The following PDE8A variants were observed in gnomAD, a reference collection of about 807,000 sequenced individuals.
The protein encoded by PDE8A is phosphodiesterase 8A.
PDE8A carries 59 observed loss-of-function variants against 105.0 expected under a neutral mutation model. That is an observed-to-expected ratio of 0.56 (90% CI 0.46 to 0.70). The LOEUF is 0.70. Ranked by LOEUF, PDE8A falls within the 30% of genes least tolerant of loss-of-function variation. The pLI is 0.00. For missense variants in PDE8A, 1,014 were observed against 1,045.9 expected, an observed-to-expected ratio of 0.97 and a Z score of 0.42; for synonymous variants, 355 against 371.9, an observed-to-expected ratio of 0.95 and a Z score of 0.52.
rs774751705 is a variant in PDE8A, at chr15:85,075,851, T to G, written c.435-11T>G. The G allele has an allele frequency of 3.0e-5, 43 of 1,433,448 alleles. No individual in the cohort carries two copies. The highest frequency in any genetic ancestry group is 4.1e-5 in the Non-Finnish European group (42 of 1,036,890). 88.8% of individuals were successfully genotyped at this position (1,433,448 alleles called of 1,614,324 possible). On this transcript the variant is annotated splice_polypyrimidine_tract_variant and intron_variant, in intron 3 of 21. Transcript: ENST00000394553. ...TTTATATTTATTTTAAAGTTTTGTG[T>G]TTTTTTTAAGGTCTATCAGATCATC... is the stretch of plus-strand genomic sequence containing the variant.
intron 20 of PDE8A, among the ~76,000 whole-genome samples, chr15:85,132,554 C>G (rs2082344127): frequency 6.6e-6 from 1 of 152,174 alleles, no homozygotes; most frequent in African/African-American, 2.4e-5. Context: ...CAACCTCTGC[C>G]TCTTGGGTTT....
Position 85,114,131 on chromosome 15 carries a change from G to T in PDE8A, c.1350+94G>T, listed in dbSNP as rs2082060537. 6 of 1,104,854 alleles carry T rather than the reference G, an allele frequency of 5.4e-6. No individual in the cohort carries two copies. In the Admixed American group the frequency reaches 9.8e-5, roughly 18 times the overall value. The allele number at this position is 1,104,854 out of a possible 1,614,324, so 68.4% of individuals were successfully genotyped here. A position where few individuals can be genotyped will look rare whatever the true frequency, so the allele number is the denominator to read the frequency against. On this transcript the variant is annotated intron_variant, in intron 14 of 21. Transcript: ENST00000394553. ...ACTTAAACAGATATTGAAGAGGCAG[G>T]CAGGGCTCTGTAGGGTTCAGTCAAG...
intron 11 of PDE8A, among the ~76,000 whole-genome samples, chr15:85,102,266 G>A (rs981028042): frequency 2.0e-5 from 3 of 152,292 alleles, no homozygotes; most frequent in East Asian, 1.9e-4. Flanking sequence ...CGGGGAGAAC[G>A]GGAAGCATCA....
chr15:85,083,672 C>T lies in PDE8A; in HGVS notation c.635+28C>T, dbSNP rs751204830. 6.3e-6 allele frequency: 9 copies of T among 1,418,060 alleles called. No homozygotes were observed. The East Asian group carries it at 2.1e-4, about 32-fold the overall frequency. The allele number at this position is 1,418,060 out of a possible 1,614,324, so 87.8% of individuals were successfully genotyped here. ...AATTCTACCACTTCTGGAAAGCCCT[C>T]CAGGCCATACAGGGCAGCATGGCAA... On this transcript the variant is annotated intron_variant, in intron 6 of 21. Transcript: ENST00000394553.
chr15:85,100,157 C>T lies in PDE8A; in HGVS notation c.995C>T (p.Ala332Val). 1.9e-6 allele frequency: 3 copies of T among 1,613,886 alleles called. No individual in the cohort carries two copies. The highest frequency in any genetic ancestry group is 4.5e-5 in the East Asian group (2 of 44,876). ...IIRVCNGNNK[A>V]EKISECVQSD... ...ATGGCTTTTAAAATTCACTTTTAGG[C>T]TGAGAAAATATCCGAATGTGTTCAG... is the stretch of plus-strand genomic sequence containing the variant. Residue 332 changes from alanine (A) to valine (V), a missense_variant and splice_region_variant, in exon 11 of 22, where the codon GCT becomes GTT. Ala to Val is a moderately conservative substitution (Grantham distance 64). Transcript: ENST00000394553.
intron 19 of PDE8A, among the ~76,000 whole-genome samples, chr15:85,123,395 TTTA>T (rs2082213733): frequency 7.3e-6 from 1 of 137,128 alleles, no homozygotes. Context: ...CAAAGGGGAG[TTTA>T]TTAAGTAATA....
chr15:85,136,536 T>G lies in PDE8A; in HGVS notation c.2256T>G (p.Thr752=). Residue 752 remains threonine (T), a splice_region_variant and synonymous_variant, in exon 21 of 22, where the codon ACT becomes ACG. Transcript: ENST00000394553. ...ARISEEYFSQ[T]DEEKQQGLPV... is the part of the protein sequence containing the mutation. ...TGATCACATTTTCTGCTTTACAGAC[T>G]GATGAAGAGAAGCAGCAGGGCTTAC... 1 of 1,613,044 alleles carries G rather than the reference T, an allele frequency of 6.2e-7. No individual in the cohort carries two copies. Among genetic ancestry groups the G allele is most frequent in the Non-Finnish European group, 8.5e-7 (1 of 1,179,560 alleles).
At chr15:85,010,882 T>TA (rs1333476247) in intron 1 of PDE8A, among the ~76,000 whole-genome samples, 1 of 58,904 alleles carries the variant, frequency 1.7e-5, no homozygotes, top group Non-Finnish European at 3.6e-5. Flanking sequence ...GTTCTGTGTT[T>TA]CCCCCAGTCG....
intron 1 of PDE8A, among the ~76,000 whole-genome samples, chr15:85,006,656 A>G (rs543091160): frequency 6.6e-6 from 1 of 150,688 alleles, no homozygotes; most frequent in African/African-American, 2.4e-5. Context: ...TAGATTTTTT[A>G]AAAGTTAAGA....
intron 9 of PDE8A, 60 bp from the exon 10 acceptor site, chr15:85,099,955 C>G (rs1450906053): frequency 6.6e-6 from 9 of 1,371,044 alleles, no homozygotes; most frequent in African/African-American, 1.4e-5. Context: ...GAAAAATTAA[C>G]GACATATCCA....
rs375788549 is a variant in PDE8A at position 85,100,029 on chromosome 15, A to G, written c.956A>G (p.Tyr319Cys). Residue 319 changes from tyrosine to cysteine, a missense_variant, in exon 10 of 22, where the codon TAT (tyrosine) becomes TGT (cysteine). Tyr to Cys is a radical substitution (Grantham distance 194). Coordinates refer to ENST00000394553, the MANE Select transcript of PDE8A (RefSeq NM_002605.3). ...VIGQGGKIRHYVSIIRVCNGN... is the reference protein window; with the variant it reads ...VIGQGGKIRHCVSIIRVCNGN... ...TTTACTTGCAGAAAAATTAGACACT[A>G]TGTGTCCATTATCAGAGTGTGCAAT... 3.7e-6 allele frequency: 6 copies of G among 1,612,824 alleles called. No homozygotes were observed. The highest frequency in any genetic ancestry group is 3.4e-6 in the Non-Finnish European group (4 of 1,179,354).
At chr15:85,108,977 A>C (rs1246461081) in intron 11 of PDE8A, 76 bp from the exon 12 acceptor site, 1 of 1,043,572 alleles carries the variant, frequency 9.6e-7, no homozygotes, top group South Asian at 1.5e-5. Context: ...GTTTTAAAAA[A>C]ATTTTAGATT....
At chr15:85,024,491 CT>C (rs1015171247) in intron 1 of PDE8A, among the ~76,000 whole-genome samples, 4 of 151,026 alleles carry the variant, frequency 2.6e-5, no homozygotes, top group Non-Finnish European at 4.4e-5. Flanking sequence ...GGTTGTTTCT[CT>C]TTTAGTGACC....
intron 1 of PDE8A, among the ~76,000 whole-genome samples, chr15:85,058,741 A>G (rs542126147): frequency 6.6e-5 from 10 of 152,278 alleles, no homozygotes; most frequent in African/African-American, 1.9e-4. Context: ...TAGAATTGGT[A>G]GCAATGTCCC....
In PDE8A at chr15:85,123,109, C is replaced by G. The variant is rs1483926789; in HGVS notation, c.2001C>G (p.Ala667=). 4 of 1,613,906 alleles carry G rather than the reference C, an allele frequency of 2.5e-6. No individual in the cohort carries two copies. The highest frequency in any genetic ancestry group is 3.4e-6 in the Non-Finnish European group (4 of 1,179,880). The change falls in exon 19 of 22, where the codon GCC becomes GCG. Residue 667 remains alanine, a synonymous_variant. Coordinates refer to ENST00000394553, the MANE Select transcript of PDE8A (RefSeq NM_002605.3). ...LRQGIIDMVL[A]TEMTKHFEHV... ...AGGGGATTATCGACATGGTCTTAGC[C>G]ACAGAAATGACAAAGCACTTTGAGC...
At chr15:85,016,877 T>C (rs1171698592) in intron 1 of PDE8A, among the ~76,000 whole-genome samples, 3 of 152,156 alleles carry the variant, frequency 2.0e-5, no homozygotes. Context: ...ATTGAGTTTA[T>C]GCCAGATGTT....
At chr15:85,089,568 T>C (rs921640753) in intron 7 of PDE8A, 152 bp downstream of exon 7, 2 of 537,054 alleles carry the variant, frequency 3.7e-6, no homozygotes, top group African/African-American at 1.9e-5. Context: ...AAATCAAATA[T>C]GTAATTTAAA....
At position 85,083,624 on chromosome 15, in the gene PDE8A, G is replaced by A. The variant is rs1425457703; in HGVS notation, c.615G>A (p.Val205=). The change falls in exon 6 of 22, where the codon GTG becomes GTA. Residue 205 remains valine (V), a synonymous_variant. Transcript: ENST00000394553. The part of the protein sequence containing the change: ...NELLQLEFGE[V]RSQLKLRACN... ...TGCTCCAGCTGGAGTTTGGAGAGGT[G>A]CGATCACAACTGAAACTCAGGTAAT... The A allele has an allele frequency of 1.9e-6, 3 of 1,612,422 alleles. No homozygotes were observed. Among genetic ancestry groups the A allele is most frequent in the South Asian group, 1.1e-5 (1 of 91,048 alleles).
At position 85,069,858 on chromosome 15, in the gene PDE8A, TTGGGGTAGGGA is replaced by T. The variant is rs568475879; in HGVS notation, c.434+2659_434+2669del. Among the ~76,000 whole-genome samples the T allele has an allele frequency of 6.7e-4, 102 of 152,308 alleles. No homozygotes were observed. The East Asian group carries it at 0.019, about 28-fold the overall frequency. On this transcript the variant is annotated intron_variant, in intron 3 of 21. Transcript: ENST00000394553. ...CATCTCCATCTTGTTGGGTGAGGATTTGGGGTAGGGATGGGTCCTTGTGCTAATCGTAGTGA... is the reference window on the plus strand; with the variant it reads ...CATCTCCATCTTGTTGGGTGAGGATTTGGGTCCTTGTGCTAATCGTAGTGA...
Sources: allele counts gnomAD v4.1 joint callset (sites outside exome capture counted in the v4.1 genomes callset), GRCh38; gene constraint gnomAD v4.1.1; transcripts MANE v1.5; gene names NCBI Gene and HGNC (gene_info 2026-07-23, HGNC 2026-07-21).